Variants in SHB observed in about 807,000 individuals in gnomAD.
SHB encodes the protein SH2 domain-containing adapter protein B.
Under a neutral mutation model 52.3 loss-of-function variants are expected in SHB, and 20 were observed. The ratio of observed to expected loss-of-function variants is 0.38; its 90% CI spans 0.27 to 0.56. SHB has a LOEUF of 0.56. SHB is among the 20% of genes least tolerant of loss of function. The probability of loss-of-function intolerance (pLI) is 0.71; values close to 1 mark genes in which losing one functional copy is unlikely to be tolerated. For synonymous variants in SHB, 397 were observed against 316.5 expected, an observed-to-expected ratio of 1.25 and a Z score of -2.70; for missense variants, 825 against 723.3, an observed-to-expected ratio of 1.14 and a Z score of -1.61.
chr9:38,059,901 G>A (rs1022540444), intron 1 of SHB, among the ~76,000 whole-genome samples: 1 of 152,196 alleles, frequency 6.6e-6, no homozygotes. Flanking sequence ...ATTCCTCGCA[G>A]AGTGGCTCTG....
intron 5 of SHB, among the ~76,000 whole-genome samples, chr9:37,931,706 G>A (rs116977246): frequency 1.1e-3 from 164 of 152,334 alleles, no homozygotes; most frequent in Non-Finnish European, 1.5e-3. Context: ...ATTAGAAGTA[G>A]AACTACAGTA....
chr9:38,006,551 G>A (rs1337785871), intron 2 of SHB, among the ~76,000 whole-genome samples: 1 of 152,220 alleles, frequency 6.6e-6, no homozygotes, highest in Non-Finnish European at 1.5e-5. Context: ...CAAGGCTGAG[G>A]CAGGCCTGGG....
rs571534591 is a variant in SHB, at chr9:37,935,357, G to A, written c.1346+13278C>T. 3.9e-5 allele frequency among the ~76,000 whole-genome samples: 6 copies of A among 152,352 alleles called. No homozygotes were observed. In the South Asian group the frequency reaches 8.3e-4, roughly 21 times the overall value. ...CAAATGCATTTCTCCCTGCGAGGTT[G>A]TGTTCGGCCTCGGTGGGGCATACGC... On this transcript the variant is annotated intron_variant, in intron 5 of 5. Coordinates refer to ENST00000377707, the MANE Select transcript of SHB (RefSeq NM_003028.3).
chr9:37,980,844 G>A (rs1373652699), intron 2 of SHB, among the ~76,000 whole-genome samples: 3 of 152,132 alleles, frequency 2.0e-5, no homozygotes, highest in Non-Finnish European at 4.4e-5. Context: ...TGAGCTCTTG[G>A]GTGACCAAGA....
rs145984188 is a variant in SHB at position 38,050,527 on chromosome 9, G to T, written c.717+17402C>A. Among the ~76,000 whole-genome samples the T allele has an allele frequency of 4.1e-3, 630 of 152,222 alleles. 4 individuals carry two copies. Among genetic ancestry groups the T allele is most frequent in the African/African-American group, 0.014 (579 of 41,536 alleles). ...GATTTTTTTTTAAAGAAAAGTCTGG[G>T]AAGACACAAGAACGTATGAACAAAA... On this transcript the variant is annotated intron_variant, in intron 1 of 5. Coordinates refer to ENST00000377707, the MANE Select transcript of SHB (RefSeq NM_003028.3).
intron 1 of SHB, among the ~76,000 whole-genome samples, chr9:38,061,080 C>A (rs979090996): frequency 6.6e-5 from 10 of 152,158 alleles, no homozygotes; most frequent in African/African-American, 2.4e-4. Context: ...ACCTGTAATC[C>A]CAGCACTTTG....
At chr9:38,057,321 T>C (rs1431478006) in intron 1 of SHB, among the ~76,000 whole-genome samples, 1 of 152,192 alleles carries the variant, frequency 6.6e-6, no homozygotes, top group Admixed American at 6.5e-5. Flanking sequence ...CATATATATA[T>C]ATGCAATGAA....
intron 4 of SHB, among the ~76,000 whole-genome samples, chr9:37,949,392 C>CAAAAAAAAAAAAAAAAAAAA (rs771495216): frequency 2.0e-5 from 1 of 50,206 alleles, no homozygotes; most frequent in Non-Finnish European, 4.3e-5. Context: ...GACTCCATCT[C>CAAAAAAAAAAAAAAAAAAAA]AAAAAAAAAA....
intron 3 of SHB, among the ~76,000 whole-genome samples, chr9:37,972,991 T>C (rs967429126): frequency 2.0e-5 from 3 of 152,226 alleles, no homozygotes; most frequent in African/African-American, 7.2e-5. Flanking sequence ...TGTCTCTCTT[T>C]TTACATGCCT....
intron 5 of SHB, among the ~76,000 whole-genome samples, chr9:37,927,417 A>C (rs999196765): frequency 1.3e-5 from 2 of 152,228 alleles, no homozygotes; most frequent in African/African-American, 4.8e-5. Context: ...TTAGACTTTC[A>C]ATAGACGCAT....
chr9:37,920,100 C>T, intron 5 of SHB, 96 bp from the exon 6 acceptor site: 1 of 977,400 alleles, frequency 1.0e-6, no homozygotes, highest in Non-Finnish European at 1.6e-6. Context: ...GGGATCCCAG[C>T]CATGAAGTGG....
chr9:38,005,735 T>C (rs942460399), intron 2 of SHB, among the ~76,000 whole-genome samples: 6 of 152,078 alleles, frequency 3.9e-5, no homozygotes, highest in Non-Finnish European at 7.4e-5. Flanking sequence ...TAGAGGAGAG[T>C]ACTAATTAAT....
chr9:38,061,386 G>A (rs556657736), intron 1 of SHB, among the ~76,000 whole-genome samples: 2 of 152,150 alleles, frequency 1.3e-5, no homozygotes, highest in Non-Finnish European at 2.9e-5. Flanking sequence ...AAAGCCACAG[G>A]GTGTGTTGCC....
chr9:38,005,135 T>C (rs1179033130), intron 2 of SHB, among the ~76,000 whole-genome samples: 3 of 152,030 alleles, frequency 2.0e-5, no homozygotes, highest in African/African-American at 4.8e-5. Context: ...ACAGTGGACA[T>C]GGTGAGGGCT....
At chr9:38,004,051 G>T (rs1279040131) in intron 2 of SHB, among the ~76,000 whole-genome samples, 1 of 152,174 alleles carries the variant, frequency 6.6e-6, no homozygotes, top group African/African-American at 2.4e-5. Flanking sequence ...TGCCTGCCCT[G>T]CTCCTGCCTG....
At chr9:37,971,930 C>A (rs922062617) in intron 3 of SHB, among the ~76,000 whole-genome samples, 3 of 152,216 alleles carry the variant, frequency 2.0e-5, no homozygotes, top group Non-Finnish European at 4.4e-5. Context: ...TTTTCACTTT[C>A]ACAGATCACC....
intron 2 of SHB, among the ~76,000 whole-genome samples, chr9:38,003,690 A>G (rs969358948): frequency 6.6e-6 from 1 of 152,172 alleles, no homozygotes; most frequent in Admixed American, 6.5e-5. Context: ...TATCTTACAT[A>G]GCTCTGACAC....
chr9:38,025,696 C>A (rs1421683283), intron 1 of SHB, among the ~76,000 whole-genome samples: 4 of 152,172 alleles, frequency 2.6e-5, no homozygotes, highest in African/African-American at 4.8e-5. Context: ...ATGGTGTATT[C>A]GGAACAGGGT....
At chr9:38,041,887 G>C (rs543653705) in intron 1 of SHB, among the ~76,000 whole-genome samples, 1 of 152,280 alleles carries the variant, frequency 6.6e-6, no homozygotes, top group Non-Finnish European at 1.5e-5. Flanking sequence ...TTTTTAAATA[G>C]TGCTTTGGGC....
Sources: allele counts gnomAD v4.1 joint callset (sites outside exome capture counted in the v4.1 genomes callset), GRCh38; gene constraint gnomAD v4.1.1; transcripts MANE v1.5; gene names NCBI Gene and HGNC (gene_info 2026-07-23, HGNC 2026-07-21).